The following HMCES variants were observed in gnomAD, a reference collection of about 807,000 sequenced individuals.
The protein encoded by HMCES is abasic site processing protein HMCES.
A neutral mutation model predicts 35.1 loss-of-function variants in HMCES; 27 were observed. The observed-to-expected ratio is 0.77, with a 90% confidence interval of 0.57 to 1.06. The LOEUF (loss-of-function observed/expected upper bound fraction) is 1.06. HMCES is among the 50% of genes least tolerant of loss of function. The probability of loss-of-function intolerance (pLI) is 0.00; values close to 1 mark genes in which losing one functional copy is unlikely to be tolerated. For synonymous variants in HMCES, 130 were observed against 154.7 expected, an observed-to-expected ratio of 0.84 and a Z score of 1.18; for missense variants, 391 against 430.4, an observed-to-expected ratio of 0.91 and a Z score of 0.81.
chr3:129,302,058 C>A lies in HMCES; in HGVS notation c.744C>A (p.Thr248=). Residue 248 remains threonine, a synonymous_variant, in exon 6 of 7, where the codon ACC becomes ACA. Coordinates refer to ENST00000383463, the MANE Select transcript of HMCES (RefSeq NM_020187.3). ...TAATCCACCCAACAGAGAACATCAC[C>A]TTCCATGCAGTCTCTTCTGTGGTGA... is the stretch of plus-strand genomic sequence containing the variant. ...LKLIHPTENI[T]FHAVSSVVNN... The A allele has an allele frequency of 6.2e-7, 1 of 1,614,174 alleles. No homozygotes were observed. Among genetic ancestry groups the A allele is most frequent in the Non-Finnish European group, 8.5e-7 (1 of 1,180,008 alleles).
chr3:129,302,426 A>C (rs528245095), intron 6 of HMCES, among the ~76,000 whole-genome samples: 1 of 152,184 alleles, frequency 6.6e-6, no homozygotes, highest in East Asian at 1.9e-4. Flanking sequence ...ATAATTAAGA[A>C]GCTTCAGGCT....
At chr3:129,286,586 A>G (rs1171896917) in intron 2 of HMCES, among the ~76,000 whole-genome samples, 2 of 152,180 alleles carry the variant, frequency 1.3e-5, no homozygotes, top group Non-Finnish European at 2.9e-5. Flanking sequence ...TCAACATATG[A>G]TCTTCATAAA....
At chr3:129,301,652 C>T (rs1328795035) in intron 5 of HMCES, among the ~76,000 whole-genome samples, 4 of 152,166 alleles carry the variant, frequency 2.6e-5, no homozygotes, top group African/African-American at 7.2e-5. Flanking sequence ...TCATTCTAGG[C>T]TGGGGTGTCA....
chr3:129,285,515 A>C (rs944790541), intron 2 of HMCES, among the ~76,000 whole-genome samples: 2 of 151,848 alleles, frequency 1.3e-5, no homozygotes, highest in African/African-American at 4.8e-5. Flanking sequence ...GCAGTGGCAC[A>C]AACTCGGCTC....
Position 129,300,166 on chromosome 3 carries a change from T to TTATA in HMCES, c.635+1654_635+1657dup, listed in dbSNP as rs35145445. On this transcript the variant is annotated intron_variant, in intron 5 of 6. Coordinates refer to ENST00000383463, the MANE Select transcript of HMCES (RefSeq NM_020187.3). ...TGTTTGAGATGTTAAATGTGCATCT[T>TTATA]TATATATATATATATATATATATAT... 9.3e-3 allele frequency among the ~76,000 whole-genome samples: 1,318 copies of TTATA among 141,172 alleles called. 2 individuals are homozygous for TTATA. The highest frequency in any genetic ancestry group is 0.013 in the African/African-American group (514 of 39,374). 92.6% of individuals were successfully genotyped at this position (141,172 alleles called of 152,430 possible). A position where few individuals can be genotyped will look rare whatever the true frequency, so the allele number is the denominator to read the frequency against.
At chr3:129,301,219 A>AACC (rs1553801668) in intron 5 of HMCES, among the ~76,000 whole-genome samples, 27 of 147,862 alleles carry the variant, frequency 1.8e-4, no homozygotes, top group African/African-American at 6.5e-4. Context: ...AGAAAAAAAA[A>AACC]AAAATATGCT....
intron 2 of HMCES, among the ~76,000 whole-genome samples, chr3:129,284,184 T>C (rs1033734267): frequency 2.0e-5 from 3 of 152,242 alleles, no homozygotes; most frequent in African/African-American, 4.8e-5. Context: ...TCTTGTTTCA[T>C]CTCTTACGTT....
chr3:129,299,349 C>T (rs1280361511), intron 5 of HMCES, among the ~76,000 whole-genome samples: 2 of 152,148 alleles, frequency 1.3e-5, no homozygotes, highest in Non-Finnish European at 2.9e-5. Context: ...CTCCTATGAA[C>T]GTATTTCCTT....
chr3:129,298,379 G>C lies in HMCES; in HGVS notation c.479G>C (p.Ser160Thr). The change falls in exon 5 of 7, where the codon AGT becomes ACT. Residue 160 changes from serine (S) to threonine (T), a missense_variant. Ser to Thr is a moderately conservative substitution (Grantham distance 58). Coordinates refer to ENST00000383463, the MANE Select transcript of HMCES (RefSeq NM_020187.3). Reference sequence around the variant, plus strand: ...TCAGGTAGCATTGGTGCTGCAGATAGTCCTGAGAACTGGGAGAAAGTCTGG... The same window carrying C: ...TCAGGTAGCATTGGTGCTGCAGATACTCCTGAGAACTGGGAGAAAGTCTGG... ...EKSGSIGAAD[S>T]PENWEKVWDN... The C allele has an allele frequency of 6.2e-7, 1 of 1,614,206 alleles. No homozygotes were observed. Among genetic ancestry groups the C allele is most frequent in the South Asian group, 1.1e-5 (1 of 91,092 alleles).
chr3:129,293,680 G>T (rs1364245220), intron 4 of HMCES, among the ~76,000 whole-genome samples: 2 of 143,328 alleles, frequency 1.4e-5, no homozygotes, highest in East Asian at 4.2e-4. Flanking sequence ...AAGCAATTCT[G>T]CCTCGGCCGC....
At chr3:129,288,795 T>C (rs1367852872) in intron 2 of HMCES, 59 bp from the exon 3 acceptor site, 27 of 1,207,248 alleles carry the variant, frequency 2.2e-5, no homozygotes, top group Non-Finnish European at 2.9e-5. Context: ...TAAATACATA[T>C]GTTAAATTAG....
At chr3:129,288,404 A>G (rs1270399392) in intron 2 of HMCES, among the ~76,000 whole-genome samples, 1 of 152,296 alleles carries the variant, frequency 6.6e-6, no homozygotes, top group Non-Finnish European at 1.5e-5. Flanking sequence ...AAGTCATTAA[A>G]TTGTTTTTGG....
chr3:129,288,830 C>T (rs376055892), intron 2 of HMCES, 24 bp from the exon 3 acceptor site: 52 of 1,473,782 alleles, frequency 3.5e-5, no homozygotes, highest in Middle Eastern at 1.8e-4. Context: ...ATGATCTCCT[C>T]ACTAGATCTT....
At chr3:129,289,356 G>T (rs949173532) in intron 3 of HMCES, among the ~76,000 whole-genome samples, 3 of 152,124 alleles carry the variant, frequency 2.0e-5, no homozygotes, top group Non-Finnish European at 4.4e-5. Context: ...ACAACTAGAA[G>T]GCTTTCCATA....
At chr3:129,298,623 C>A in intron 5 of HMCES, 88 bp downstream of exon 5, 1 of 1,127,016 alleles carries the variant, frequency 8.9e-7, no homozygotes, top group Non-Finnish European at 1.3e-6. Flanking sequence ...AGTAGGAAAC[C>A]AAGTCATTTT....
chr3:129,304,466 CT>C, intron 6 of HMCES, 122 bp from the exon 7 acceptor site: 1 of 800,758 alleles, frequency 1.2e-6, no homozygotes, highest in Non-Finnish European at 2.1e-6. Context: ...CCAGCTGGCC[CT>C]TAGTAACATT....
intron 4 of HMCES, among the ~76,000 whole-genome samples, chr3:129,297,721 C>T (rs147683806): frequency 0.016 from 2,476 of 152,282 alleles, 36 homozygotes; most frequent in Non-Finnish European, 0.021. Flanking sequence ...CCTCCTGATG[C>T]TGCCAATAAG....
At chr3:129,292,194 ATTAT>A (rs1236257606) in intron 4 of HMCES, among the ~76,000 whole-genome samples, 1 of 152,198 alleles carries the variant, frequency 6.6e-6, no homozygotes, top group Non-Finnish European at 1.5e-5. Context: ...TTTTAATTAG[ATTAT>A]TTAGTCTGAC....
chr3:129,282,590 T>A (rs1480901766), intron 2 of HMCES, among the ~76,000 whole-genome samples: 1 of 152,224 alleles, frequency 6.6e-6, no homozygotes, highest in Non-Finnish European at 1.5e-5. Context: ...ATTTCACATC[T>A]CTAACAAGTT....
Sources: allele counts gnomAD v4.1 joint callset (sites outside exome capture counted in the v4.1 genomes callset), GRCh38; gene constraint gnomAD v4.1.1; transcripts MANE v1.5; gene names NCBI Gene and HGNC (gene_info 2026-07-23, HGNC 2026-07-21).